The following MPPED1 variants were observed in gnomAD, a reference collection of about 807,000 sequenced individuals.
MPPED1 encodes metallophosphoesterase domain-containing protein 1.
In MPPED1, 16 loss-of-function variants were observed where a neutral mutation model predicts 36.2. The ratio of observed to expected loss-of-function variants is 0.44; its 90% confidence interval spans 0.30 to 0.67. The LOEUF (loss-of-function observed/expected upper bound fraction) is 0.67. MPPED1 is among the 30% of genes least tolerant of loss of function. MPPED1 has a pLI of 0.10. For missense variants in MPPED1, 307 were observed against 453.4 expected, an observed-to-expected ratio of 0.68 and a Z score of 2.93; for synonymous variants, 199 against 191.3, an observed-to-expected ratio of 1.04 and a Z score of -0.33.
chr22:43,489,101 G>A (rs908505237), intron 4 of MPPED1, among the ~76,000 whole-genome samples: 1 of 152,154 alleles, frequency 6.6e-6, no homozygotes, highest in Non-Finnish European at 1.5e-5. Context: ...GGGGCCACGT[G>A]GACTTCGGGC....
At chr22:43,496,391 A>AG in intron 4 of MPPED1, among the ~76,000 whole-genome samples, 1 of 2,476 alleles carries the variant, frequency 4.0e-4, no homozygotes, top group Non-Finnish European at 6.2e-4. Context: ...GGTGGTGGAG[A>AG]TGGTGGTGGT....
At chr22:43,447,879 ATATATTTTT>A (rs1189231192) in intron 3 of MPPED1, among the ~76,000 whole-genome samples, 1 of 33,604 alleles carries the variant, frequency 3.0e-5, no homozygotes, top group African/African-American at 1.8e-4. Context: ...ATATATATAT[ATATATTTTT>A]TTTTTTTTTA....
intron 4 of MPPED1, among the ~76,000 whole-genome samples, chr22:43,485,253 C>A (rs1216505317): frequency 1.3e-5 from 2 of 152,040 alleles, no homozygotes; most frequent in African/African-American, 4.8e-5. Context: ...TACACACATG[C>A]ATTCACACAC....
In MPPED1 at chr22:43,505,535, G is replaced by A. The variant is rs376376939; in HGVS notation, c.900G>A (p.Val300=). ...GVMADGTTTY[V]NASVCTVNYQ... ...TGGCAGATGGGACGACCACCTATGT[G>A]AATGCGTCCGTATGCACTGTGAACT... Residue 300 remains valine (V), a synonymous_variant, in exon 7 of 7, where the codon GTG becomes GTA. Coordinates refer to ENST00000443721, the MANE Select transcript of MPPED1 (RefSeq NM_001044370.2). 9.3e-6 allele frequency: 15 copies of A among 1,612,254 alleles called. No individual in the cohort carries two copies. The African/African-American group carries it at 1.9e-4, about 20-fold the overall frequency.
chr22:43,476,179 T>G (rs773776328), intron 4 of MPPED1, among the ~76,000 whole-genome samples: 8 of 152,158 alleles, frequency 5.3e-5, no homozygotes, highest in Non-Finnish European at 7.4e-5. Context: ...TCTCTAATCC[T>G]TACTCAGCCC....
At chr22:43,475,845 AATGATGGTGATG>A in intron 4 of MPPED1, among the ~76,000 whole-genome samples, 1 of 142,840 alleles carries the variant, frequency 7.0e-6, no homozygotes, top group South Asian at 2.3e-4. Context: ...TGATGGTGAT[AATGATGGTGATG>A]ATGATGGCGA....
intron 4 of MPPED1, among the ~76,000 whole-genome samples, chr22:43,480,119 A>T (rs1456448389): frequency 6.6e-6 from 1 of 152,090 alleles, no homozygotes; most frequent in Admixed American, 6.5e-5. Flanking sequence ...AGTGGGTTAG[A>T]TCGTAATGGT....
At chr22:43,470,949 G>T (rs1424762287) in intron 3 of MPPED1, among the ~76,000 whole-genome samples, 1 of 152,224 alleles carries the variant, frequency 6.6e-6, no homozygotes, top group African/African-American at 2.4e-5. Context: ...GTGTTTGAGG[G>T]TGTCACCCCA....
At chr22:43,498,581 C>T (rs140672276) in intron 5 of MPPED1, among the ~76,000 whole-genome samples, 2,870 of 152,164 alleles carry the variant, frequency 0.019, 51 homozygotes, top group Non-Finnish European at 0.029. Context: ...GCACAGGAGG[C>T]CAGAATCACC....
At chr22:43,504,777 A>G (rs1450982537) in intron 6 of MPPED1, among the ~76,000 whole-genome samples, 2 of 150,274 alleles carry the variant, frequency 1.3e-5, no homozygotes, top group Admixed American at 6.6e-5. Flanking sequence ...TGATGATGGC[A>G]TTGGTTATGA....
chr22:43,449,379 C>G (rs919808702), intron 3 of MPPED1, among the ~76,000 whole-genome samples: 1 of 151,958 alleles, frequency 6.6e-6, no homozygotes, highest in Non-Finnish European at 1.5e-5. Flanking sequence ...GGATCTGGAT[C>G]GTCAGGTACA....
At chr22:43,422,862 T>G (rs1929323386) in intron 1 of MPPED1, among the ~76,000 whole-genome samples, 1 of 152,148 alleles carries the variant, frequency 6.6e-6, no homozygotes. Context: ...TCTTTCTTTT[T>G]TTTGAGATAG....
intron 1 of MPPED1, chr22:43,418,398 C>G (rs186328985): frequency 3.4e-4 from 112 of 329,340 alleles, no homozygotes; most frequent in Admixed American, 1.2e-3. Context: ...CTTCCTCACA[C>G]ATCTTCGGAC....
At chr22:43,488,513 T>C (rs1931984792) in intron 4 of MPPED1, among the ~76,000 whole-genome samples, 5 of 152,192 alleles carry the variant, frequency 3.3e-5, no homozygotes, top group Admixed American at 3.3e-4. Flanking sequence ...AGGTCATTTA[T>C]ATTGGCTAAG....
intron 5 of MPPED1, among the ~76,000 whole-genome samples, chr22:43,500,308 TGATGGA>T (rs1569091909): frequency 4.7e-4 from 31 of 65,492 alleles, no homozygotes; most frequent in East Asian, 4.0e-3. Context: ...GTGGTGATGG[TGATGGA>T]GGTGGTGATG....
intron 1 of MPPED1, among the ~76,000 whole-genome samples, chr22:43,422,555 C>T (rs1000314986): frequency 1.2e-4 from 19 of 152,168 alleles, no homozygotes; most frequent in Non-Finnish European, 1.8e-4. Flanking sequence ...GGTCAGCTTG[C>T]ATTTGAGAAA....
intron 3 of MPPED1, among the ~76,000 whole-genome samples, chr22:43,465,731 T>C (rs1040937736): frequency 6.6e-6 from 1 of 151,574 alleles, no homozygotes; most frequent in Non-Finnish European, 1.5e-5. Flanking sequence ...AAAGTGCGAG[T>C]TGAATTGGAG....
chr22:43,453,324 A>T (rs1248999186), intron 3 of MPPED1, among the ~76,000 whole-genome samples: 2 of 128,206 alleles, frequency 1.6e-5, no homozygotes, highest in African/African-American at 2.5e-5. Flanking sequence ...TCCCCGCACC[A>T]CCCCCCCTGC....
At chr22:43,447,859 T>TATATA (rs1421264893) in intron 3 of MPPED1, among the ~76,000 whole-genome samples, 2 of 62,526 alleles carry the variant, frequency 3.2e-5, no homozygotes, top group African/African-American at 5.3e-5. Context: ...TATGTAAATA[T>TATATA]TATATATATA....
Sources: allele counts gnomAD v4.1 joint callset (sites outside exome capture counted in the v4.1 genomes callset), GRCh38; gene constraint gnomAD v4.1.1; transcripts MANE v1.5; gene names NCBI Gene and HGNC (gene_info 2026-07-23, HGNC 2026-07-21).